Variants in SNRPE observed in about 807,000 individuals in gnomAD.
SNRPE encodes small nuclear ribonucleoprotein polypeptide E, also known as small nuclear ribonucleoprotein E.
For missense variants in SNRPE, 53 were observed against 111.6 expected, an observed-to-expected ratio of 0.48 and a Z score of 2.36; for synonymous variants, 35 against 36.7, an observed-to-expected ratio of 0.95 and a Z score of 0.17.
In SNRPE at chr1:203,862,688, G is replaced by A. The variant is rs908946840; in HGVS notation, c.81+466G>A. Among the ~76,000 whole-genome samples the A allele has an allele frequency of 9.2e-5, 14 of 152,308 alleles. 1 individual carries two copies. The highest frequency in any genetic ancestry group is 3.4e-4 in the African/African-American group (14 of 41,566). ...AGAGAGAAGGGGTAGCTTCAGAGGA[G>A]TTTAGTGGCAGCTGCTTTCCTTTGA... On this transcript the variant is annotated intron_variant, in intron 2 of 4. Transcript: ENST00000414487.
At chr1:203,866,076 C>T (rs1467552204) in intron 4 of SNRPE, among the ~76,000 whole-genome samples, 3 of 139,904 alleles carry the variant, frequency 2.1e-5, no homozygotes, top group East Asian at 2.5e-4. Context: ...TCCTCCTCCC[C>T]GGGTGGGAGG....
At chr1:203,869,545 G>A (rs1444487330) in intron 4 of SNRPE, among the ~76,000 whole-genome samples, 1 of 151,992 alleles carries the variant, frequency 6.6e-6, no homozygotes, top group Non-Finnish European at 1.5e-5. Flanking sequence ...GTTATAATAT[G>A]CTGTATTTCC....
At chr1:203,862,657 AAAGG>A (rs1690000893) in intron 2 of SNRPE, among the ~76,000 whole-genome samples, 1 of 152,226 alleles carries the variant, frequency 6.6e-6, no homozygotes, top group Non-Finnish European at 1.5e-5. Context: ...AAAGACGAAA[AAAGG>A]AAGAGAGAAG....
intron 4 of SNRPE, among the ~76,000 whole-genome samples, chr1:203,865,856 AT>A (rs1453096460): frequency 6.6e-6 from 1 of 152,210 alleles, no homozygotes; most frequent in African/African-American, 2.4e-5. Context: ...TATAAAGGAT[AT>A]TACAAAAAGT....
intron 3 of SNRPE, among the ~76,000 whole-genome samples, chr1:203,864,414 T>C (rs1690043378): frequency 6.7e-6 from 1 of 149,836 alleles, no homozygotes; most frequent in Non-Finnish European, 1.5e-5. Context: ...TAAATAAGGC[T>C]TCTGGGATAG....
chr1:203,862,691 T>C (rs1450595936), intron 2 of SNRPE, among the ~76,000 whole-genome samples: 10 of 152,198 alleles, frequency 6.6e-5, no homozygotes, highest in Admixed American at 6.5e-4. Flanking sequence ...CAGAGGAGTT[T>C]AGTGGCAGCT....
chr1:203,868,913 C>T (rs1299582553), intron 4 of SNRPE, among the ~76,000 whole-genome samples: 2 of 152,184 alleles, frequency 1.3e-5, no homozygotes, highest in Admixed American at 6.5e-5. Flanking sequence ...AGGCATTCCA[C>T]CCACCTTGGC....
Position 203,865,031 on chromosome 1 carries a change from A to T in SNRPE, c.145-10A>T, listed in dbSNP as rs754874329. 1.2e-6 allele frequency: 2 copies of T among 1,605,540 alleles called. No individual in the cohort carries two copies. Among genetic ancestry groups the T allele is most frequent in the Admixed American group, 3.4e-5 (2 of 58,660 alleles). On this transcript the variant is annotated splice_polypyrimidine_tract_variant and intron_variant, in intron 3 of 4. Transcript: ENST00000414487. ...TTTCTTTGAAGATAACAGTTTGTTT[A>T]TTTTTCTAGGGTTTTGATGAGTATA...
At chr1:203,865,748 C>G (rs559874456) in intron 4 of SNRPE, among the ~76,000 whole-genome samples, 2 of 152,298 alleles carry the variant, frequency 1.3e-5, no homozygotes, top group Non-Finnish European at 2.9e-5. Context: ...TTCTTACTGA[C>G]TGGCTATAAA....
rs900080212 is a variant in SNRPE at position 203,862,319 on chromosome 1, TA to T, written c.81+102del. On this transcript the variant is annotated intron_variant, in intron 2 of 4. Transcript: ENST00000414487. ...TGAGCGATCGCTGTGTTCTAGAATT[TA>T]AAAATAGATGTAACTGGAGATTGGA... is the stretch of plus-strand genomic sequence containing the variant. The T allele has an allele frequency of 8.7e-5, 75 of 858,352 alleles. No individual in the cohort carries two copies. In the African/African-American group the frequency reaches 1.1e-3, roughly 13 times the overall value. The allele number at this position is 858,352 out of a possible 1,614,324, so 53.2% of individuals were successfully genotyped here.
At position 203,869,859 on chromosome 1, in the gene SNRPE, G is replaced by C. The variant is rs1690178610; in HGVS notation, c.224-18G>C. The C allele has an allele frequency of 1.3e-6, 2 of 1,589,742 alleles. No individual in the cohort carries two copies. The highest frequency in any genetic ancestry group is 8.6e-7 in the Non-Finnish European group (1 of 1,164,804). On this transcript the variant is annotated intron_variant, in intron 4 of 4. Transcript: ENST00000414487. ...AGTGTGTGGCTATTAATAGCTTTTTGTTGTTTTTGTGTTGCAGGTCGGATC... is the reference window on the plus strand; with the variant it reads ...AGTGTGTGGCTATTAATAGCTTTTTCTTGTTTTTGTGTTGCAGGTCGGATC...
chr1:203,862,243 G>T, intron 2 of SNRPE, 21 bp downstream of exon 2: 1 of 1,570,962 alleles, frequency 6.4e-7, no homozygotes, highest in Non-Finnish European at 8.8e-7. Flanking sequence ...TGCTTGTTTC[G>T]TAACTACTTT....
At chr1:203,865,817 C>T (rs971365852) in intron 4 of SNRPE, among the ~76,000 whole-genome samples, 3 of 152,084 alleles carry the variant, frequency 2.0e-5, no homozygotes, top group Non-Finnish European at 2.9e-5. Flanking sequence ...TCACAGAACT[C>T]GGGGAAACAC....
At chr1:203,869,352 G>A (rs1179579890) in intron 4 of SNRPE, among the ~76,000 whole-genome samples, 1 of 115,550 alleles carries the variant, frequency 8.7e-6, no homozygotes, top group African/African-American at 3.2e-5. Flanking sequence ...TGTTGCCCAG[G>A]CTGGAGTGCA....
chr1:203,863,542 A>C (rs757424764), intron 2 of SNRPE, 121 bp from the exon 3 acceptor site: 6 of 706,968 alleles, frequency 8.5e-6, no homozygotes, highest in Non-Finnish European at 1.5e-5. Context: ...GATGGTCTCT[A>C]TCTCTTGACC....
chr1:203,867,114 A>AC (rs1306710392), intron 4 of SNRPE, among the ~76,000 whole-genome samples: 3 of 95,606 alleles, frequency 3.1e-5, no homozygotes, highest in Admixed American at 9.9e-5. Context: ...CCTGAAAAAA[A>AC]AAAAAAAAAA....
intron 4 of SNRPE, among the ~76,000 whole-genome samples, chr1:203,866,803 G>C (rs1374632167): frequency 6.6e-6 from 1 of 151,798 alleles, no homozygotes; most frequent in African/African-American, 2.4e-5. Flanking sequence ...TGATCTTCAT[G>C]ATCTAGTCTT....
intron 4 of SNRPE, among the ~76,000 whole-genome samples, chr1:203,869,285 G>A (rs1690160761): frequency 9.1e-6 from 1 of 110,090 alleles, no homozygotes; most frequent in African/African-American, 3.2e-5. Context: ...TTGTAGGATG[G>A]AGTCTTTTTT....
intron 1 of SNRPE, 184 bp downstream of exon 1, chr1:203,861,897 G>A (rs915250985): frequency 6.3e-6 from 4 of 636,178 alleles, no homozygotes; most frequent in African/African-American, 3.6e-5. Flanking sequence ...GTCTTGGGGG[G>A]ACCCCTGCCG....
Sources: allele counts gnomAD v4.1 joint callset (sites outside exome capture counted in the v4.1 genomes callset), GRCh38; gene constraint gnomAD v4.1.1; transcripts MANE v1.5; gene names NCBI Gene and HGNC (gene_info 2026-07-23, HGNC 2026-07-21).